The following COMMD2 variants were observed in gnomAD, a reference collection of about 807,000 sequenced individuals.
COMMD2 encodes COMM domain-containing protein 2.
Under a neutral mutation model 22.5 loss-of-function variants are expected in COMMD2, and 25 were observed. That is an observed-to-expected ratio of 1.11 (90% CI 0.81 to 1.55). COMMD2 has a LOEUF of 1.55. Ranked by LOEUF, COMMD2 falls within the 40% of genes most tolerant of loss-of-function variation. COMMD2 has a pLI of 0.00. For missense variants in COMMD2, 223 were observed against 232.9 expected, an observed-to-expected ratio of 0.96 and a Z score of 0.28; for synonymous variants, 98 against 91.2, an observed-to-expected ratio of 1.07 and a Z score of -0.42.
In COMMD2 at chr3:149,751,263, G is replaced by C. The variant is rs1716521132; in HGVS notation, c.228+140C>G. On this transcript the variant is annotated intron_variant, in intron 3 of 4. Coordinates refer to ENST00000473414, the MANE Select transcript of COMMD2 (RefSeq NM_016094.4). Reference sequence around the variant, plus strand: ...CAGATGATATGATTTTTATTTTTTAGGTATGTCTTCAAAAAATCAATTATA... The same window carrying C: ...CAGATGATATGATTTTTATTTTTTACGTATGTCTTCAAAAAATCAATTATA... The C allele has an allele frequency of 4.6e-6, 6 of 1,309,914 alleles. No individual in the cohort carries two copies. The South Asian group carries it at 6.0e-5, about 13-fold the overall frequency. 81.1% of individuals were successfully genotyped at this position (1,309,914 alleles called of 1,614,324 possible).
intron 4 of COMMD2, among the ~76,000 whole-genome samples, chr3:149,745,621 C>G (rs1716346881): frequency 6.6e-6 from 1 of 152,166 alleles, no homozygotes; most frequent in Non-Finnish European, 1.5e-5. Flanking sequence ...ACTAGATATT[C>G]AATAAATGGT....
intron 4 of COMMD2, chr3:149,750,329 T>C (rs1015336907): frequency 2.4e-6 from 1 of 418,186 alleles, no homozygotes; most frequent in Non-Finnish European, 4.8e-6. Context: ...CACAGTTAAA[T>C]GCACCATGTG....
rs1161480001 is a variant in COMMD2 at position 149,750,672 on chromosome 3, C to G, written c.402+6G>C. ...CTATGTTAAGTTAATTTTAAAAATG[C>G]TATACCTGTACATCTAGTCGCCATT... is the stretch of plus-strand genomic sequence containing the variant. On this transcript the variant is annotated splice_donor_region_variant and intron_variant, in intron 4 of 4. Coordinates refer to ENST00000473414, the MANE Select transcript of COMMD2 (RefSeq NM_016094.4). The G allele has an allele frequency of 3.2e-6, 5 of 1,543,296 alleles. No homozygotes were observed. Among genetic ancestry groups the G allele is most frequent in the Non-Finnish European group, 4.4e-6 (5 of 1,142,016 alleles).
At chr3:149,749,547 A>G (rs1716471609) in intron 4 of COMMD2, among the ~76,000 whole-genome samples, 1 of 152,210 alleles carries the variant, frequency 6.6e-6, no homozygotes, top group African/African-American at 2.4e-5. Context: ...ACACACAAAC[A>G]TCAGAATTTC....
Position 149,750,736 on chromosome 3 carries a change from C to G in COMMD2, c.344G>C (p.Ser115Thr), listed in dbSNP as rs997506172. The change falls in exon 4 of 5, where the codon AGT (serine) becomes ACT (threonine). Residue 115 changes from serine to threonine, a missense_variant. Physicochemically the swap from Ser to Thr is moderately conservative, Grantham distance 58. Transcript: ENST00000473414. ...DNRKEIRTIL[S>T]ELAPSLPSYH... Reference sequence around the variant, plus strand: ...ACTGGGAAGGCTTGGTGCCAATTCACTCAGAATCGTTCTGATCTCTTTTCT... The same window carrying G: ...ACTGGGAAGGCTTGGTGCCAATTCAGTCAGAATCGTTCTGATCTCTTTTCT... 7.5e-6 allele frequency: 12 copies of G among 1,606,094 alleles called. No individual in the cohort carries two copies. Among genetic ancestry groups the G allele is most frequent in the East Asian group, 2.2e-5 (1 of 44,712 alleles).
At chr3:149,748,613 C>T (rs746243236) in intron 4 of COMMD2, among the ~76,000 whole-genome samples, 4 of 152,216 alleles carry the variant, frequency 2.6e-5, no homozygotes, top group African/African-American at 9.7e-5. Context: ...GATCAGCAAA[C>T]CCTTTCTATA....
chr3:149,743,886 T>G (rs1716299344), intron 4 of COMMD2, among the ~76,000 whole-genome samples: 2 of 152,222 alleles, frequency 1.3e-5, no homozygotes, highest in Non-Finnish European at 2.9e-5. Flanking sequence ...ATGACTTTTT[T>G]GTTGAAAGAC....
intron 4 of COMMD2, among the ~76,000 whole-genome samples, chr3:149,746,425 G>T (rs1302265965): frequency 6.6e-6 from 1 of 152,104 alleles, no homozygotes; most frequent in East Asian, 1.9e-4. Context: ...TAGAGAGGGG[G>T]TGTATTAGTC....
At position 149,738,519 on chromosome 3, in the gene COMMD2, A is replaced by G. The variant is rs1386228930; in HGVS notation, c.*3002T>C. On this transcript the variant is annotated 3_prime_UTR_variant, in exon 5 of 5. Transcript: ENST00000473414. ...TATTGAGTTCTTTGTAAAGCCTGGT[A>G]CTATGTTAAACATTCTATATACATG... The G allele has an allele frequency of 2.0e-5, 3 of 152,048 alleles. No individual in the cohort carries two copies. Among genetic ancestry groups the G allele is most frequent in the Admixed American group, 6.6e-5 (1 of 15,266 alleles). 9.4% of individuals were successfully genotyped at this position (152,048 alleles called of 1,614,324 possible).
intron 4 of COMMD2, 134 bp from the exon 5 acceptor site, chr3:149,741,852 CT>C (rs1716238349): frequency 1.5e-6 from 1 of 668,356 alleles, no homozygotes; most frequent in African/African-American, 1.8e-5. Flanking sequence ...GAAAAGTAAA[CT>C]TTAAAACCTT....
In COMMD2 at chr3:149,741,551, G is replaced by C; in HGVS notation, c.570C>G (p.His190Gln). 6.2e-7 allele frequency: 1 copy of C among 1,614,096 alleles called. No individual in the cohort carries two copies. Among genetic ancestry groups the C allele is most frequent in the Non-Finnish European group, 8.5e-7 (1 of 1,179,978 alleles). ...TGATGTTGCGAACAACTCTCCTACAGTGATTTGTCTTCATCTCTTCCAATG... is the reference window on the plus strand; with the variant it reads ...TGATGTTGCGAACAACTCTCCTACACTGATTTGTCTTCATCTCTTCCAATG... ...EQALEEMKTNHCRRVVRNIK is the reference protein window; with the variant it reads ...EQALEEMKTNQCRRVVRNIK Residue 190 changes from histidine to glutamine, a missense_variant, in exon 5 of 5, where the codon CAC becomes CAG. Transcript: ENST00000473414.
At position 149,752,238 on chromosome 3, in the gene COMMD2, T is replaced by C. The variant is rs1716552745; in HGVS notation, c.117A>G (p.Ala39=). Reference sequence around the variant, plus strand: ...CGGCGCCTTCGTAGATTTTTGGGTTTGCGCCGCGTCTCAGGAATTCCACAG... The same window carrying C: ...CGGCGCCTTCGTAGATTTTTGGGTTCGCGCCGCGTCTCAGGAATTCCACAG... ...RIAVEFLRRG[A]NPKIYEGAAR... is the part of the protein sequence containing the mutation. The change falls in exon 2 of 5, where the codon GCA becomes GCG. Residue 39 remains alanine, a synonymous_variant. Coordinates refer to ENST00000473414, the MANE Select transcript of COMMD2 (RefSeq NM_016094.4). 6.2e-7 allele frequency: 1 copy of C among 1,614,014 alleles called. No individual in the cohort carries two copies. Among genetic ancestry groups the C allele is most frequent in the African/African-American group, 1.3e-5 (1 of 74,930 alleles).
intron 4 of COMMD2, 190 bp downstream of exon 4, chr3:149,750,488 A>T: frequency 1.8e-6 from 1 of 569,050 alleles, no homozygotes; most frequent in Non-Finnish European, 3.1e-6. Flanking sequence ...AAACTTTGCA[A>T]ATTAAACTGA....
intron 2 of COMMD2, 40 bp from the exon 3 acceptor site, chr3:149,751,525 T>A: frequency 6.8e-7 from 1 of 1,461,262 alleles, no homozygotes; most frequent in Non-Finnish European, 9.4e-7. Flanking sequence ...AAATTACTAC[T>A]GTAGTATTTA....
intron 4 of COMMD2, among the ~76,000 whole-genome samples, chr3:149,745,767 C>G (rs1716351296): frequency 6.6e-6 from 1 of 152,174 alleles, no homozygotes; most frequent in South Asian, 2.1e-4. Context: ...CCACTCTATC[C>G]CAAATGTAAA....
In COMMD2 at chr3:149,738,523, T is replaced by C. The variant is rs980417847; in HGVS notation, c.*2998A>G. ...GAGTTCTTTGTAAAGCCTGGTACTA[T>C]GTTAAACATTCTATATACATGGTCT... On this transcript the variant is annotated 3_prime_UTR_variant, in exon 5 of 5. Coordinates refer to ENST00000473414, the MANE Select transcript of COMMD2 (RefSeq NM_016094.4). 7.2e-5 allele frequency: 11 copies of C among 152,068 alleles called. No homozygotes were observed. The highest frequency in any genetic ancestry group is 1.5e-4 in the Non-Finnish European group (10 of 67,956). The allele number at this position is 152,068 out of a possible 1,614,324, so 9.4% of individuals were successfully genotyped here.
intron 2 of COMMD2, 75 bp downstream of exon 2, chr3:149,752,135 T>C: frequency 8.1e-7 from 1 of 1,238,876 alleles, no homozygotes; most frequent in Admixed American, 1.9e-5. Context: ...CAATAATCCG[T>C]TTCTCTCCCG....
Position 149,741,470 on chromosome 3 carries a change from A to G in COMMD2, c.*51T>C, listed in dbSNP as rs1281763311. On this transcript the variant is annotated 3_prime_UTR_variant, in exon 5 of 5. Coordinates refer to ENST00000473414, the MANE Select transcript of COMMD2 (RefSeq NM_016094.4). ...ATTAATTTTGAAAAGTAATTGCTGT[A>G]TATCATCAATTCATAAGTGATTCAA... 4.4e-6 allele frequency: 6 copies of G among 1,359,552 alleles called. No individual in the cohort carries two copies. In the Admixed American group the frequency reaches 1.0e-4, roughly 23 times the overall value. The allele number at this position is 1,359,552 out of a possible 1,614,324, so 84.2% of individuals were successfully genotyped here.
At chr3:149,742,361 G>A (rs931809974) in intron 4 of COMMD2, among the ~76,000 whole-genome samples, 1 of 152,096 alleles carries the variant, frequency 6.6e-6, no homozygotes, top group African/African-American at 2.4e-5. Flanking sequence ...AAATCACTTT[G>A]GAAAACAATG....
Sources: gnomAD v4.1 joint callset for allele counts (sites outside exome capture counted in the v4.1 genomes callset) on GRCh38, gnomAD v4.1.1 for gene constraint, MANE v1.5 for transcripts, NCBI Gene and HGNC (gene_info 2026-07-23, HGNC 2026-07-21) for gene names.